Variants in CCDC9B observed in about 807,000 individuals in gnomAD.
CCDC9B encodes the protein coiled-coil domain containing 9B.
Under a neutral mutation model 47.2 loss-of-function variants are expected in CCDC9B, and 40 were observed. The ratio of observed to expected loss-of-function variants is 0.85; its 90% CI spans 0.66 to 1.10. The LOEUF (loss-of-function observed/expected upper bound fraction) is 1.10. CCDC9B is among the 50% of genes least tolerant of loss of function. The pLI, the probability that CCDC9B is intolerant of heterozygous loss-of-function variation, is 0.00. For missense variants in CCDC9B, 662 were observed against 651.0 expected (o/e 1.02, Z -0.18); for synonymous variants, 238 against 250.7 (o/e 0.95, Z 0.48).
Position 40,333,740 on chromosome 15 carries a change from G to A in CCDC9B, c.*1418C>T. On this transcript the variant is annotated 3_prime_UTR_variant, in exon 11 of 11. Coordinates refer to ENST00000397536, the MANE Select transcript of CCDC9B (RefSeq NM_207380.3). ...TGGGGTGGAGTTGAGAGCCAGTGAG[G>A]AAGGCTGAGCTGGGACCCCACAGTT... 1.4e-6 allele frequency: 1 copy of A among 702,070 alleles called. No individual in the cohort carries two copies. The highest frequency in any genetic ancestry group is 1.7e-6 in the Non-Finnish European group (1 of 572,088). 43.5% of individuals were successfully genotyped at this position (702,070 alleles called of 1,614,324 possible).
intron 1 of CCDC9B, 80 bp downstream of exon 1, chr15:40,340,727 GC>G: frequency 7.3e-7 from 1 of 1,365,732 alleles, no homozygotes; most frequent in Non-Finnish European, 1.0e-6. Flanking sequence ...GTCCCCAGCT[GC>G]CCCCAGAGGG....
chr15:40,337,255 G>T, intron 7 of CCDC9B, 133 bp downstream of exon 7: 1 of 849,658 alleles, frequency 1.2e-6, no homozygotes, highest in Non-Finnish European at 2.0e-6. Context: ...GTGAGGGAGA[G>T]GAAGGAAGAT....
intron 9 of CCDC9B, 112 bp downstream of exon 9, chr15:40,336,462 T>C (rs1297463808): frequency 3.4e-6 from 5 of 1,465,712 alleles, no homozygotes; most frequent in Non-Finnish European, 4.5e-6. Context: ...CAGGCAGCAG[T>C]CAGCCAGGAG....
chr15:40,336,339 A>T (rs1888958573), intron 9 of CCDC9B: 1 of 985,266 alleles, frequency 1.0e-6, no homozygotes, highest in Non-Finnish European at 1.2e-6. Flanking sequence ...TGGGAAAGGC[A>T]TACCTCATTT....
In CCDC9B at chr15:40,335,031, T is replaced by G; in HGVS notation, c.*127A>C. ...CTCACAAGGTCGCCATGCTGGAGAG[T>G]TTGCCACACTGCTCAGTGACAATGG... On this transcript the variant is annotated 3_prime_UTR_variant, in exon 11 of 11. Coordinates refer to ENST00000397536, the MANE Select transcript of CCDC9B (RefSeq NM_207380.3). 1.1e-6 allele frequency: 1 copy of G among 870,834 alleles called. No individual in the cohort carries two copies. Among genetic ancestry groups the G allele is most frequent in the Non-Finnish European group, 1.7e-6 (1 of 592,636 alleles). 53.9% of individuals were successfully genotyped at this position (870,834 alleles called of 1,614,324 possible). A position where few individuals can be genotyped will look rare whatever the true frequency, so the allele number is the denominator to read the frequency against.
chr15:40,337,047 A>T, intron 7 of CCDC9B: 1 of 599,124 alleles, frequency 1.7e-6, no homozygotes, highest in Non-Finnish European at 2.9e-6. Flanking sequence ...TATATAAAAC[A>T]AGGGGACCAG....
rs1461948471 is a variant in CCDC9B, at chr15:40,335,641, C to G, written c.990G>C (p.Gly330=). 2 of 1,526,470 alleles carry G rather than the reference C, an allele frequency of 1.3e-6. No individual in the cohort carries two copies. The highest frequency in any genetic ancestry group is 1.8e-6 in the Non-Finnish European group (2 of 1,133,092). The allele number at this position is 1,526,470 out of a possible 1,614,324, so 94.6% of individuals were successfully genotyped here. The change falls in exon 11 of 11, where the codon GGG becomes GGC. Residue 330 remains glycine (G), a synonymous_variant. Coordinates refer to ENST00000397536, the MANE Select transcript of CCDC9B (RefSeq NM_207380.3). Reference sequence around the variant, plus strand: ...CGCTCCCCAGTCGGCCCTGCTCCATCCCGCTCTGCTTCTGGGCTTGCTCCT... The same window carrying G: ...CGCTCCCCAGTCGGCCCTGCTCCATGCCGCTCTGCTTCTGGGCTTGCTCCT... ...SEEEQAQKQS[G]MEQGRLGSAP...
In CCDC9B at chr15:40,340,896, G is replaced by T. The variant is rs747569424; in HGVS notation, c.-77C>A. ...TGGGAGGAAAGCTGGAGCCACCGGA[G>T]CCGGGCCTCTGCCGGCCTCTCCCTG... On this transcript the variant is annotated 5_prime_UTR_variant, in exon 1 of 11. Transcript: ENST00000397536. 3.7e-6 allele frequency: 6 copies of T among 1,608,268 alleles called. No homozygotes were observed. Among genetic ancestry groups the T allele is most frequent in the Non-Finnish European group, 5.1e-6 (6 of 1,178,290 alleles).
Position 40,334,839 on chromosome 15 carries a change from A to C in CCDC9B, c.*319T>G, listed in dbSNP as rs1397241015. Reference sequence around the variant, plus strand: ...TGCCACCAAGCCTTGTTCTCTCATCATAGTGGAGAAGGCTTGTGGCCTGGG... The same window carrying C: ...TGCCACCAAGCCTTGTTCTCTCATCCTAGTGGAGAAGGCTTGTGGCCTGGG... On this transcript the variant is annotated 3_prime_UTR_variant, in exon 11 of 11. Transcript: ENST00000397536. The C allele has an allele frequency of 4.4e-6, 1 of 229,128 alleles. No individual in the cohort carries two copies. Among genetic ancestry groups the C allele is most frequent in the African/African-American group, 2.3e-5 (1 of 44,272 alleles). 14.2% of individuals were successfully genotyped at this position (229,128 alleles called of 1,614,324 possible).
Position 40,335,419 on chromosome 15 carries a change from G to T in CCDC9B, c.1212C>A (p.Ser404Arg). ...VLGLRPGAQE[S>R]PVSWPEGSKQ... is the part of the protein sequence containing the mutation. Reference sequence around the variant, plus strand: ...TAGAGCCCTCTGGCCAAGACACAGGGCTCTCCTGGGCCCCAGGCCTCAGAC... The same window carrying T: ...TAGAGCCCTCTGGCCAAGACACAGGTCTCTCCTGGGCCCCAGGCCTCAGAC... Residue 404 changes from serine to arginine, a missense_variant, in exon 11 of 11, where the codon AGC becomes AGA. Ser to Arg is a moderately radical substitution (Grantham distance 110, BLOSUM62 -1). Coordinates refer to ENST00000397536, the MANE Select transcript of CCDC9B (RefSeq NM_207380.3). 1.9e-6 allele frequency: 3 copies of T among 1,612,240 alleles called. No homozygotes were observed. Among genetic ancestry groups the T allele is most frequent in the Non-Finnish European group, 2.5e-6 (3 of 1,179,534 alleles).
chr15:40,339,332 G>A, intron 3 of CCDC9B, 180 bp downstream of exon 3: 2 of 630,310 alleles, frequency 3.2e-6, no homozygotes, highest in Non-Finnish European at 5.6e-6. Flanking sequence ...GGGGTAGGGG[G>A]GCTTTCAGCT....
At position 40,338,564 on chromosome 15, in the gene CCDC9B, C is replaced by T. The variant is rs1889017378; in HGVS notation, c.484G>A (p.Val162Met). 2 of 1,614,042 alleles carry T rather than the reference C, an allele frequency of 1.2e-6. No homozygotes were observed. The highest frequency in any genetic ancestry group is 2.2e-5 in the South Asian group (2 of 91,078). Residue 162 changes from valine to methionine, a missense_variant, in exon 5 of 11, where the codon GTG (valine) becomes ATG (methionine). By Grantham distance (21) the Val-to-Met change is conservative. Transcript: ENST00000397536. ...CGTGCAGAATCTGAGCTGATGGCCA[C>T]CTGCGTGGGGGGGCTTCGGGTCACA... ...GRVTRSPPTQ[V>M]AISSDSARKG... is the part of the protein sequence containing the mutation.
At chr15:40,338,450 T>C (rs1286050282) in intron 5 of CCDC9B, 85 bp downstream of exon 5, 1 of 1,486,534 alleles carries the variant, frequency 6.7e-7, no homozygotes, top group African/African-American at 1.4e-5. Flanking sequence ...TCCCCGCAAA[T>C]GAGGGACATA....
rs1230553978 is a variant in CCDC9B at position 40,335,627 on chromosome 15, C to T, written c.1004G>A (p.Arg335Gln). Residue 335 changes from arginine (R) to glutamine (Q), a missense_variant, in exon 11 of 11, where the codon CGA (arginine) becomes CAA (glutamine). Transcript: ENST00000397536. ...AQKQSGMEQG[R>Q]LGSAPAASPA... is the part of the protein sequence containing the mutation. ...GCTGGCTGCAGGGGCGCTCCCCAGT[C>T]GGCCCTGCTCCATCCCGCTCTGCTT... The T allele has an allele frequency of 5.3e-6, 8 of 1,502,538 alleles. No homozygotes were observed. The highest frequency in any genetic ancestry group is 1.4e-5 in the African/African-American group (1 of 72,028). 93.1% of individuals were successfully genotyped at this position (1,502,538 alleles called of 1,614,324 possible).
At chr15:40,340,491 GC>G in intron 1 of CCDC9B, 1 of 431,726 alleles carries the variant, frequency 2.3e-6, no homozygotes, top group South Asian at 3.7e-5. Context: ...CCGCACCTAG[GC>G]CTGTGCCCAG....
chr15:40,337,597 C>G (rs1888991908), intron 6 of CCDC9B, 127 bp downstream of exon 6: 9 of 1,245,712 alleles, frequency 7.2e-6, no homozygotes, highest in Non-Finnish European at 9.9e-6. Flanking sequence ...GCCTTGAACC[C>G]TGGGCTCGAC....
At chr15:40,339,240 C>G (rs1270234978) in intron 3 of CCDC9B, 2 of 581,650 alleles carry the variant, frequency 3.4e-6, no homozygotes, top group Non-Finnish European at 6.1e-6. Context: ...GCCCCTGGGG[C>G]TTGAGGTTTA....
rs1409413574 is a variant in CCDC9B at position 40,340,898 on chromosome 15, C to T, written c.-79G>A. ...GGAGGAAAGCTGGAGCCACCGGAGCCGGGCCTCTGCCGGCCTCTCCCTGCC... is the reference window on the plus strand; with the variant it reads ...GGAGGAAAGCTGGAGCCACCGGAGCTGGGCCTCTGCCGGCCTCTCCCTGCC... On this transcript the variant is annotated 5_prime_UTR_variant, in exon 1 of 11. Transcript: ENST00000397536. 11 of 1,608,314 alleles carry T rather than the reference C, an allele frequency of 6.8e-6. No individual in the cohort carries two copies. The highest frequency in any genetic ancestry group is 3.3e-5 in the South Asian group (3 of 90,214).
At chr15:40,336,895 G>A in intron 7 of CCDC9B, 82 bp from the exon 8 acceptor site, 1 of 1,409,692 alleles carries the variant, frequency 7.1e-7, no homozygotes, top group Non-Finnish European at 9.8e-7. Context: ...GCCTCAGGAA[G>A]CTGTCAGTCC....
Sources: allele counts gnomAD v4.1 joint callset, GRCh38; gene constraint gnomAD v4.1.1; transcripts MANE v1.5; gene names NCBI Gene and HGNC (gene_info 2026-07-23, HGNC 2026-07-21).